Variants in TTLL11 observed in about 807,000 individuals in gnomAD.
TTLL11 encodes the protein tubulin polyglutamylase TTLL11.
TTLL11 carries 42 observed loss-of-function variants against 51.7 expected under a neutral mutation model. That is an observed-to-expected ratio of 0.81 (90% CI 0.64 to 1.05). The LOEUF (loss-of-function observed/expected upper bound fraction) is 1.05. Ranked by LOEUF, TTLL11 falls within the 50% of genes least tolerant of loss-of-function variation. TTLL11 has a pLI of 0.00. For synonymous variants in TTLL11, 381 were observed against 383.5 expected, an observed-to-expected ratio of 0.99 and a Z score of 0.08; for missense variants, 799 against 940.4, an observed-to-expected ratio of 0.85 and a Z score of 1.97.
rs1842490575 is a variant in TTLL11, at chr9:121,969,147, GGT to G, written c.1481+4860_1481+4861del. ...GGCCTCCCAAAGTGCTGGGATTACAGGTGTGAGCCACCGTGCCCGGCCTCTCA... is the reference window on the plus strand; with the variant it reads ...GGCCTCCCAAAGTGCTGGGATTACAGGTGAGCCACCGTGCCCGGCCTCTCA... On this transcript the variant is annotated intron_variant, in intron 6 of 8. Coordinates refer to ENST00000321582, the MANE Select transcript of TTLL11 (RefSeq NM_001139442.2). Among the ~76,000 whole-genome samples, 9 of 152,288 alleles carry G rather than the reference GGT, an allele frequency of 5.9e-5. No individual in the cohort carries two copies. In the South Asian group the frequency reaches 1.9e-3, roughly 32 times the overall value.
At chr9:122,055,749 C>G (rs186427183) in intron 1 of TTLL11, among the ~76,000 whole-genome samples, 1 of 152,214 alleles carries the variant, frequency 6.6e-6, no homozygotes, top group Non-Finnish European at 1.5e-5. Flanking sequence ...AAGCTCCACA[C>G]CACCTTGTAA....
intron 1 of TTLL11, among the ~76,000 whole-genome samples, chr9:122,059,405 C>T (rs1845380850): frequency 6.6e-6 from 1 of 152,122 alleles, no homozygotes; most frequent in African/African-American, 2.4e-5. Flanking sequence ...TTATCATACC[C>T]ATTTAACAGA....
chr9:121,865,834 G>A (rs753985783), intron 7 of TTLL11, among the ~76,000 whole-genome samples: 33 of 152,194 alleles, frequency 2.2e-4, no homozygotes, highest in Middle Eastern at 3.2e-3. Flanking sequence ...AAGTCTAGAC[G>A]AGAGAAGAAC....
intron 1 of TTLL11, among the ~76,000 whole-genome samples, chr9:122,083,399 A>C (rs1395778309): frequency 6.6e-6 from 1 of 152,058 alleles, no homozygotes; most frequent in Non-Finnish European, 1.5e-5. Flanking sequence ...CCCCAACCCC[A>C]CCAGCCCACA....
intron 6 of TTLL11, among the ~76,000 whole-genome samples, chr9:121,883,497 A>G (rs1838878188): frequency 1.3e-5 from 2 of 152,302 alleles, no homozygotes; most frequent in South Asian, 4.2e-4. Context: ...GACCCATGAC[A>G]TTCTTTCCTC....
intron 6 of TTLL11, among the ~76,000 whole-genome samples, chr9:121,922,177 C>T (rs1840568133): frequency 1.3e-5 from 2 of 152,196 alleles, no homozygotes; most frequent in South Asian, 2.1e-4. Context: ...TACCCAGAAC[C>T]ATATACTGAT....
At chr9:122,008,720 A>G (rs1234475636) in intron 3 of TTLL11, among the ~76,000 whole-genome samples, 2 of 152,266 alleles carry the variant, frequency 1.3e-5, no homozygotes, top group Non-Finnish European at 2.9e-5. Flanking sequence ...AATGAAACCA[A>G]TATGTTGAAG....
intron 6 of TTLL11, among the ~76,000 whole-genome samples, chr9:121,917,841 AT>A (rs1840395847): frequency 6.6e-6 from 1 of 152,254 alleles, no homozygotes; most frequent in South Asian, 2.1e-4. Context: ...ATCCACTAGA[AT>A]TAAGTTAAGC....
chr9:121,815,755 G>A lies in TTLL11; in HGVS notation c.*6832C>T, dbSNP rs546763858. 6.6e-6 allele frequency: 1 copy of A among 152,142 alleles called. No individual in the cohort carries two copies. Among genetic ancestry groups the A allele is most frequent in the African/African-American group, 2.4e-5 (1 of 41,436 alleles). 9.4% of individuals were successfully genotyped at this position (152,142 alleles called of 1,614,324 possible). The stretch of plus-strand genomic sequence containing the variant: ...TTTATGAAGTTGCCAAGACAACTGA[G>A]GCCAAGTAACAGAACCTTGACTTTA... On this transcript the variant is annotated 3_prime_UTR_variant, in exon 9 of 9. Transcript: ENST00000321582.
intron 3 of TTLL11, among the ~76,000 whole-genome samples, chr9:121,996,428 AG>A (rs1564348099): frequency 6.6e-6 from 1 of 152,098 alleles, no homozygotes; most frequent in African/African-American, 2.4e-5. Context: ...CAGCCCTTTG[AG>A]GTCCAGGAAG....
intron 6 of TTLL11, among the ~76,000 whole-genome samples, chr9:121,917,695 G>A (rs1840392040): frequency 6.6e-6 from 1 of 150,726 alleles, no homozygotes; most frequent in Admixed American, 6.6e-5. Flanking sequence ...AAGGAAGGAA[G>A]GAAAGAAGAA....
At chr9:122,076,912 A>C (rs1050619111) in intron 1 of TTLL11, among the ~76,000 whole-genome samples, 1 of 152,202 alleles carries the variant, frequency 6.6e-6, no homozygotes, top group Admixed American at 6.5e-5. Flanking sequence ...TCTAAGACAA[A>C]GGGATTTTAA....
At chr9:121,941,062 C>T (rs983590533) in intron 6 of TTLL11, among the ~76,000 whole-genome samples, 13 of 152,308 alleles carry the variant, frequency 8.5e-5, no homozygotes, top group African/African-American at 2.9e-4. Flanking sequence ...TCCATGAAAA[C>T]GTTTTAACTG....
chr9:121,919,847 TAAAAAAAAA>T (rs59700871), intron 6 of TTLL11, among the ~76,000 whole-genome samples: 1 of 60,834 alleles, frequency 1.6e-5, no homozygotes, highest in African/African-American at 5.5e-5. Flanking sequence ...CCCTCATCTC[TAAAAAAAAA>T]AAAAAAAAAA....
At position 122,020,887 on chromosome 9, in the gene TTLL11, G is replaced by A. The variant is rs952820756; in HGVS notation, c.693+10836C>T. Among the ~76,000 whole-genome samples, 6 of 152,018 alleles carry A rather than the reference G, an allele frequency of 3.9e-5. No homozygotes were observed. The South Asian group carries it at 8.3e-4, about 21-fold the overall frequency. ...TTGGATTTCCAGCCTTCGAAACTGTGAGAAAAAAAAGTTTGTTATTCGTCA... is the reference window on the plus strand; with the variant it reads ...TTGGATTTCCAGCCTTCGAAACTGTAAGAAAAAAAAGTTTGTTATTCGTCA... On this transcript the variant is annotated intron_variant, in intron 3 of 8. Coordinates refer to ENST00000321582, the MANE Select transcript of TTLL11 (RefSeq NM_001139442.2).
chr9:121,918,521 G>A (rs1370452570), intron 6 of TTLL11, among the ~76,000 whole-genome samples: 5 of 152,176 alleles, frequency 3.3e-5, no homozygotes, highest in African/African-American at 1.2e-4. Context: ...GGACAAGGTA[G>A]GGGCTGTCCA....
chr9:121,997,093 A>G (rs1843292642), intron 3 of TTLL11, among the ~76,000 whole-genome samples: 1 of 152,178 alleles, frequency 6.6e-6, no homozygotes, highest in African/African-American at 2.4e-5. Context: ...GCTTTACCCC[A>G]ATGCCAGCCT....
intron 1 of TTLL11, among the ~76,000 whole-genome samples, chr9:122,071,921 G>A (rs772573506): frequency 2.6e-5 from 4 of 152,146 alleles, no homozygotes; most frequent in Non-Finnish European, 5.9e-5. Flanking sequence ...AGAGACTGAG[G>A]AGGAAGCAAT....
chr9:121,823,367 GA>G (rs1391081952), intron 8 of TTLL11, among the ~76,000 whole-genome samples: 1 of 152,190 alleles, frequency 6.6e-6, no homozygotes, highest in East Asian at 1.9e-4. Flanking sequence ...CCAACATGGA[GA>G]AACCTCATCT....
Sources: gnomAD v4.1 joint callset for allele counts (sites outside exome capture counted in the v4.1 genomes callset) on GRCh38, gnomAD v4.1.1 for gene constraint, MANE v1.5 for transcripts, NCBI Gene and HGNC (gene_info 2026-07-23, HGNC 2026-07-21) for gene names.